Variants in STARD13 observed in about 807,000 individuals in gnomAD.
STARD13 encodes the protein stAR-related lipid transfer protein 13.
Under a neutral mutation model 106.4 loss-of-function variants are expected in STARD13, and 62 were observed. The ratio of observed to expected loss-of-function variants is 0.58; its 90% CI spans 0.48 to 0.72. The LOEUF (loss-of-function observed/expected upper bound fraction) is 0.72. Among genes scored for constraint, STARD13 ranks in the 30% least tolerant of loss-of-function variants. The pLI, the probability that STARD13 is intolerant of heterozygous loss-of-function variation, is 0.00. For synonymous variants in STARD13, 565 were observed against 553.0 expected (o/e 1.02, Z -0.31); for missense variants, 1,387 against 1,424.0 (o/e 0.97, Z 0.42).
chr13:33,333,290 A>G (rs980386101), intron 1 of STARD13, among the ~76,000 whole-genome samples: 2 of 152,130 alleles, frequency 1.3e-5, no homozygotes, highest in African/African-American at 4.8e-5. Context: ...CAGGAGGCTG[A>G]GGCATGACAA....
chr13:33,606,200 C>A, the STARD13 span, among the ~76,000 whole-genome samples: 1 of 152,054 alleles, frequency 6.6e-6, no homozygotes, highest in African/African-American at 2.4e-5. Context: ...ACTCAGGAGG[C>A]TGAGACAGGA....
chr13:33,455,597 G>A, the STARD13 span, among the ~76,000 whole-genome samples: 1 of 151,982 alleles, frequency 6.6e-6, no homozygotes, highest in Non-Finnish European at 1.5e-5. Context: ...TTTTTGTTCT[G>A]TTGTGAGCTG....
At chr13:33,347,289 G>A (rs753828623), downstream of STARD13, among the ~76,000 whole-genome samples, 87 of 152,140 alleles carry the variant, frequency 5.7e-4, no homozygotes, top group Admixed American at 1.1e-3. Flanking sequence ...AGGCTGGAGT[G>A]CAGTGGCACA....
chr13:33,264,878 C>A (rs1156644339), intron 1 of STARD13, among the ~76,000 whole-genome samples: 1 of 152,122 alleles, frequency 6.6e-6, no homozygotes, highest in African/African-American at 2.4e-5. Context: ...CCCATCTTGA[C>A]CCCTAGAGAC....
chr13:33,583,856 G>GTTT, the STARD13 span, among the ~76,000 whole-genome samples: 1 of 150,092 alleles, frequency 6.7e-6, no homozygotes, highest in African/African-American at 2.4e-5. Flanking sequence ...GGCCTATAAT[G>GTTT]TTTTTTTTTT....
intron 1 of STARD13, among the ~76,000 whole-genome samples, chr13:33,183,277 G>C (rs1885424513): frequency 6.6e-6 from 1 of 152,166 alleles, no homozygotes; most frequent in Non-Finnish European, 1.5e-5. Context: ...TCGGAGCTCA[G>C]CATGTGCTCA....
the STARD13 span, among the ~76,000 whole-genome samples, chr13:33,532,552 G>A: frequency 6.6e-6 from 1 of 151,926 alleles, no homozygotes; most frequent in Non-Finnish European, 1.5e-5. Context: ...TTCCTTTATG[G>A]CTGTGCTTGT....
intron 7 of STARD13, among the ~76,000 whole-genome samples, chr13:33,118,765 A>C (rs1875795882): frequency 1.3e-5 from 2 of 152,224 alleles, no homozygotes; most frequent in East Asian, 1.9e-4. Flanking sequence ...AAACAGCCAT[A>C]TCCAGTGCCC....
intron 1 of STARD13, chr13:33,336,099 T>G (rs1466842309): frequency 6.6e-6 from 1 of 152,228 alleles, no homozygotes; most frequent in African/African-American, 2.4e-5. Flanking sequence ...TTTCCCTGGA[T>G]GAGCTTGTGG....
intron 1 of STARD13, among the ~76,000 whole-genome samples, chr13:33,326,458 G>T (rs1566140523): frequency 6.6e-6 from 1 of 152,194 alleles, no homozygotes; most frequent in Non-Finnish European, 1.5e-5. Flanking sequence ...TAAGTTCCCT[G>T]TTTAAAACTA....
rs1245523331 is a variant in STARD13 at position 33,118,812 on chromosome 13, A to C, written c.2083-549T>G. Reference sequence around the variant, plus strand: ...AGTTTTATGGGGAATATGTTCATGAAACAGACTAATATCATAAGTACATAT... The same window carrying C: ...AGTTTTATGGGGAATATGTTCATGACACAGACTAATATCATAAGTACATAT... On this transcript the variant is annotated intron_variant, in intron 7 of 13. Transcript: ENST00000336934. Among the ~76,000 whole-genome samples the C allele has an allele frequency of 3.3e-5, 5 of 152,224 alleles. 1 individual carries two copies. In the East Asian group the frequency reaches 5.8e-4, roughly 18 times the overall value.
chr13:33,253,789 C>T (rs555723534), intron 1 of STARD13, among the ~76,000 whole-genome samples: 1 of 152,250 alleles, frequency 6.6e-6, no homozygotes, highest in Admixed American at 6.5e-5. Flanking sequence ...TGAAATTGAA[C>T]TTTCAAAATA....
At chr13:33,166,872 G>A (rs1883370703) in intron 2 of STARD13, among the ~76,000 whole-genome samples, 1 of 151,960 alleles carries the variant, frequency 6.6e-6, no homozygotes, top group Non-Finnish European at 1.5e-5. Context: ...GTGCCCGCCT[G>A]TAATCTCAAC....
intron 1 of STARD13, among the ~76,000 whole-genome samples, chr13:33,184,167 C>T (rs951882661): frequency 1.3e-5 from 2 of 152,144 alleles, no homozygotes; most frequent in African/African-American, 2.4e-5. Context: ...TAATTATAGC[C>T]ACCTCCACTC....
At chr13:33,217,779 T>A (rs1469485744) in intron 1 of STARD13, among the ~76,000 whole-genome samples, 1 of 152,244 alleles carries the variant, frequency 6.6e-6, no homozygotes, top group African/African-American at 2.4e-5. Context: ...AATTGTTTTT[T>A]AAATGCAGCT....
intron 1 of STARD13, among the ~76,000 whole-genome samples, chr13:33,308,213 A>G (rs976851720): frequency 2.0e-5 from 3 of 152,206 alleles, no homozygotes; most frequent in Admixed American, 6.5e-5. Context: ...CTGTTTCCCA[A>G]TTAGCTGTTG....
chr13:33,111,797 T>G lies in STARD13; in HGVS notation c.2588A>C (p.Glu863Ala), dbSNP rs1370296030. ...GCTCACCTCAAAAAGTCTGTCGCAT[T>G]CCATGATCATGTGCGCTAGCCCCTG... ...AAQGLAHMIM[E>A]CDRLFEVPHE... Residue 863 changes from glutamate (E) to alanine (A), a missense_variant, in exon 10 of 14, where the codon GAA becomes GCA. Physicochemically the swap from Glu to Ala is moderately radical, Grantham distance 107. Transcript: ENST00000336934. 16 of 1,614,020 alleles carry G rather than the reference T, an allele frequency of 9.9e-6. No homozygotes were observed. Among genetic ancestry groups the G allele is most frequent in the Non-Finnish European group, 1.4e-5 (16 of 1,179,864 alleles).
the STARD13 span, among the ~76,000 whole-genome samples, chr13:33,560,306 G>C: frequency 6.6e-6 from 1 of 151,430 alleles, no homozygotes; most frequent in Non-Finnish European, 1.5e-5. Context: ...TAAATACATA[G>C]GTTGTAAGTT....
the STARD13 span, among the ~76,000 whole-genome samples, chr13:33,653,677 T>C: frequency 2.7e-5 from 4 of 148,522 alleles, no homozygotes; most frequent in Non-Finnish European, 4.4e-5. Flanking sequence ...AAAAGATCAA[T>C]TGGATTTTAT....
Sources: gnomAD v4.1 joint callset for allele counts (sites outside exome capture counted in the v4.1 genomes callset) on GRCh38, gnomAD v4.1.1 for gene constraint, MANE v1.5 for transcripts, NCBI Gene and HGNC (gene_info 2026-07-23, HGNC 2026-07-21) for gene names.